Variants in TTC34 observed in about 807,000 individuals in gnomAD.
TTC34 encodes the protein tetratricopeptide repeat domain 34.
In TTC34, 44 loss-of-function variants were observed where a neutral mutation model predicts 40.7. That is an observed-to-expected ratio of 1.08 (90% CI 0.85 to 1.39). The LOEUF is 1.39. Among genes scored for constraint, TTC34 ranks in the 40% most tolerant of loss-of-function variants. TTC34 has a pLI of 0.00. For missense variants in TTC34, 884 were observed against 838.0 expected (o/e 1.05, Z -0.68); for synonymous variants, 422 against 398.6 (o/e 1.06, Z -0.70).
At chr1:2,790,978 G>C (rs1310672063) in intron 2 of TTC34, among the ~76,000 whole-genome samples, 1 of 152,188 alleles carries the variant, frequency 6.6e-6, no homozygotes, top group Non-Finnish European at 1.5e-5. Context: ...TCCCTGGTCT[G>C]CACTATAATG....
At chr1:2,755,766 C>G (rs1641483656) in intron 6 of TTC34, among the ~76,000 whole-genome samples, 7 of 130,784 alleles carry the variant, frequency 5.4e-5, no homozygotes, top group Admixed American at 1.6e-4. Context: ...ATCTGACAGC[C>G]TGGAACGGCA....
intron 6 of TTC34, among the ~76,000 whole-genome samples, chr1:2,752,976 C>G (rs1641374809): frequency 6.8e-6 from 1 of 146,852 alleles, no homozygotes; most frequent in Admixed American, 6.8e-5. Flanking sequence ...CACCCATACC[C>G]CCAGGTGAGC....
At chr1:2,793,652 A>G (rs1643684950) in intron 2 of TTC34, among the ~76,000 whole-genome samples, 1 of 152,204 alleles carries the variant, frequency 6.6e-6, no homozygotes, top group Non-Finnish European at 1.5e-5. Context: ...GAGAGGTAGG[A>G]AATCAGTACC....
intron 6 of TTC34, among the ~76,000 whole-genome samples, chr1:2,757,833 C>A (rs1234046347): frequency 6.7e-6 from 1 of 148,734 alleles, no homozygotes; most frequent in African/African-American, 2.5e-5. Context: ...CACCCACACC[C>A]CCAGGTGCGC....
chr1:2,675,507 C>G lies in TTC34; in HGVS notation c.2227-29944G>C, dbSNP rs370742859. Among the ~76,000 whole-genome samples the G allele has an allele frequency of 9.5e-3, 130 of 13,672 alleles. 3 individuals carry two copies. Among genetic ancestry groups the G allele is most frequent in the Non-Finnish European group, 0.011 (68 of 6,248 alleles). The allele number at this position is 13,672 out of a possible 152,430, so 9.0% of individuals were successfully genotyped here. The stretch of plus-strand genomic sequence containing the variant: ...TCCCAGGTGAGCATCTGACAGCCTG[C>G]AACAGCACCCTGCACCCCCAGGTGC... On this transcript the variant is annotated intron_variant, in intron 6 of 8. Coordinates refer to ENST00000401095, the Ensembl canonical transcript of TTC34.
At position 2,751,239 on chromosome 1, in the gene TTC34, C is replaced by G. The variant is rs1391052268; in HGVS notation, c.2226+32370G>C. On this transcript the variant is annotated intron_variant, in intron 6 of 8. Coordinates refer to ENST00000401095, the Ensembl canonical transcript of TTC34. ...GTGAGCATCTGACAGCCTGGAGCAGCAGGCACACCCCCAGTGAGCATCCGA... is the reference window on the plus strand; with the variant it reads ...GTGAGCATCTGACAGCCTGGAGCAGGAGGCACACCCCCAGTGAGCATCCGA... 7.4e-4 allele frequency among the ~76,000 whole-genome samples: 76 copies of G among 103,124 alleles called. 14 individuals carry two copies. The highest frequency in any genetic ancestry group is 8.0e-4 in the Non-Finnish European group (43 of 53,498). 67.7% of individuals were successfully genotyped at this position (103,124 alleles called of 152,430 possible).
At chr1:2,759,616 C>G in intron 6 of TTC34, among the ~76,000 whole-genome samples, 2 of 145,992 alleles carry the variant, frequency 1.4e-5, no homozygotes, top group African/African-American at 2.6e-5. Flanking sequence ...CGAGCATCCG[C>G]CAGCCTGGAA....
At position 2,752,222 on chromosome 1, in the gene TTC34, A is replaced by T. The variant is rs1332680319; in HGVS notation, c.2226+31387T>A. Reference sequence around the variant, plus strand: ...ACAGAACCCACACCCCCAGGTGAGCATCTGACAGACTGGAACAGCTCCCAA... The same window carrying T: ...ACAGAACCCACACCCCCAGGTGAGCTTCTGACAGACTGGAACAGCTCCCAA... On this transcript the variant is annotated intron_variant, in intron 6 of 8. Transcript: ENST00000401095. Among the ~76,000 whole-genome samples the T allele has an allele frequency of 3.5e-5, 4 of 115,158 alleles. 1 individual carries two copies. The highest frequency in any genetic ancestry group is 3.1e-4 in the South Asian group (1 of 3,250). 75.5% of individuals were successfully genotyped at this position (115,158 alleles called of 152,430 possible).
intron 6 of TTC34, among the ~76,000 whole-genome samples, chr1:2,748,961 T>C (rs1408447104): frequency 0.096 from 145 of 1,514 alleles, no homozygotes; most frequent in East Asian, 0.14. Flanking sequence ...GCACCCTGCT[T>C]CCCCAGGTGA....
chr1:2,801,622 C>G (rs1177498853), exon 1 of TTC34: 1 of 152,234 alleles, frequency 6.6e-6, no homozygotes, highest in Non-Finnish European at 1.5e-5. Context: ...CCTGGGGACC[C>G]AGATTCCCTC....
chr1:2,682,104 C>T (rs1272930319), intron 6 of TTC34, among the ~76,000 whole-genome samples: 3 of 131,230 alleles, frequency 2.3e-5, no homozygotes, highest in Admixed American at 1.5e-4. Context: ...GCAGCACCCA[C>T]ACCCCCAGGT....
chr1:2,687,446 C>A (rs1346814472), intron 6 of TTC34, among the ~76,000 whole-genome samples: 3 of 146,614 alleles, frequency 2.0e-5, no homozygotes, highest in African/African-American at 8.1e-5. Context: ...GCACCCACAA[C>A]CACAGGTGAG....
chr1:2,698,741 T>A (rs1640984915), intron 6 of TTC34, among the ~76,000 whole-genome samples: 3 of 138,056 alleles, frequency 2.2e-5, no homozygotes, highest in Non-Finnish European at 4.7e-5. Context: ...CAGGCTTGCA[T>A]CCGACAGCCT....
At chr1:2,767,292 G>A (rs1641794274) in intron 6 of TTC34, among the ~76,000 whole-genome samples, 1 of 54,434 alleles carries the variant, frequency 1.8e-5, no homozygotes, top group Non-Finnish European at 3.6e-5. Context: ...CCCCAGGTGA[G>A]CATCTGACAG....
At chr1:2,768,093 T>G (rs1316778336) in intron 6 of TTC34, among the ~76,000 whole-genome samples, 4 of 151,270 alleles carry the variant, frequency 2.6e-5, no homozygotes, top group African/African-American at 9.7e-5. Context: ...CATCCCCAGG[T>G]AAGTGTCTGA....
chr1:2,792,650 A>T lies in TTC34; in HGVS notation c.785-2304T>A, dbSNP rs149310312. 3.3e-5 allele frequency among the ~76,000 whole-genome samples: 5 copies of T among 152,334 alleles called. No homozygotes were observed. The East Asian group carries it at 9.7e-4, about 29-fold the overall frequency. On this transcript the variant is annotated intron_variant, in intron 2 of 8. Transcript: ENST00000401095. ...CTTCCAGTGCCTGTTCTTTCAGCCC[A>T]GCTAGTCTTTACCTCTGTATGTGCA...
chr1:2,781,966 G>A (rs1643490551), intron 6 of TTC34, among the ~76,000 whole-genome samples: 1 of 152,178 alleles, frequency 6.6e-6, no homozygotes, highest in Non-Finnish European at 1.5e-5. Flanking sequence ...ATAATGGTCT[G>A]TAGTTTTCTT....
intron 6 of TTC34, among the ~76,000 whole-genome samples, chr1:2,768,699 G>T (rs1444282956): frequency 6.8e-6 from 1 of 147,042 alleles, no homozygotes; most frequent in African/African-American, 2.5e-5. Context: ...CAAGACCACT[G>T]CCCCCAGGTG....
intron 6 of TTC34, among the ~76,000 whole-genome samples, chr1:2,685,208 A>G (rs561772103): frequency 7.3e-6 from 1 of 137,282 alleles, no homozygotes; most frequent in Non-Finnish European, 1.5e-5. Context: ...CCCCCAGGTG[A>G]GCATCTGACA....
Sources: allele counts gnomAD v4.1 joint callset (sites outside exome capture counted in the v4.1 genomes callset), GRCh38; gene constraint gnomAD v4.1.1; transcripts MANE v1.5; gene names NCBI Gene and HGNC (gene_info 2026-07-23, HGNC 2026-07-21).